The following ATP5PF variants were observed in gnomAD, a reference collection of about 807,000 sequenced individuals.
ATP5PF encodes the protein ATP synthase peripheral stalk subunit F6, mitochondrial.
In ATP5PF, 7 loss-of-function variants were observed where a neutral mutation model predicts 12.0. The ratio of observed to expected loss-of-function variants is 0.58; its 90% CI spans 0.33 to 1.10. The LOEUF is 1.10. ATP5PF is among the 50% of genes least tolerant of loss of function. The pLI is 0.03. For synonymous variants in ATP5PF, 41 were observed against 45.4 expected, an observed-to-expected ratio of 0.90 and a Z score of 0.39; for missense variants, 120 against 127.7, an observed-to-expected ratio of 0.94 and a Z score of 0.29.
intron 1 of ATP5PF, among the ~76,000 whole-genome samples, chr21:25,733,364 C>A (rs1038809532): frequency 1.9e-4 from 29 of 152,066 alleles, no homozygotes; most frequent in Admixed American, 1.6e-3. Context: ...CCGGTCTCTA[C>A]TGAAAAATAC....
At chr21:25,727,384 C>G (rs2034645753) in intron 2 of ATP5PF, among the ~76,000 whole-genome samples, 1 of 152,200 alleles carries the variant, frequency 6.6e-6, no homozygotes, top group Admixed American at 6.5e-5. Flanking sequence ...AAAGCAGTCA[C>G]TCAGAAGATA....
chr21:25,727,880 G>T (rs140443025), intron 2 of ATP5PF, among the ~76,000 whole-genome samples: 308 of 152,212 alleles, frequency 2.0e-3, no homozygotes, highest in Admixed American at 2.7e-3. Flanking sequence ...CATCTATAGG[G>T]TTGTTGTCAG....
intron 2 of ATP5PF, 24 bp from the exon 3 acceptor site, chr21:25,725,374 AAATT>A: frequency 1.3e-6 from 2 of 1,554,570 alleles, no homozygotes; most frequent in African/African-American, 2.8e-5. Context: ...GAGCAAACAA[AAATT>A]AATTTTGTGT....
chr21:25,734,372 A>G, intron 1 of ATP5PF: 1 of 987,956 alleles, frequency 1.0e-6, no homozygotes, highest in Non-Finnish European at 1.2e-6. Context: ...TTCAGTGCAT[A>G]TTCCTATGAA....
At chr21:25,734,206 C>T in intron 1 of ATP5PF, 1 of 517,682 alleles carries the variant, frequency 1.9e-6, no homozygotes, top group Non-Finnish European at 2.5e-6. Flanking sequence ...CATCGGGTGC[C>T]ACGAGAGCAT....
chr21:25,734,878 A>G lies in ATP5PF; in HGVS notation c.-33T>C. ...CTTGCACTCAGTCCCGAGCTGCCAA[A>G]GCCTCCGCCGCCACCACCTCCGCTC... On this transcript the variant is annotated 5_prime_UTR_variant, in exon 1 of 4. Transcript: ENST00000284971. 1 of 1,547,958 alleles carries G rather than the reference A, an allele frequency of 6.5e-7. No homozygotes were observed. The highest frequency in any genetic ancestry group is 8.7e-7 in the Non-Finnish European group (1 of 1,149,650).
intron 3 of ATP5PF, 105 bp from the exon 4 acceptor site, chr21:25,724,782 A>C (rs1258236934): frequency 1.7e-6 from 2 of 1,160,518 alleles, no homozygotes; most frequent in Non-Finnish European, 2.5e-6. Context: ...TTTTTTAGTA[A>C]ACACTGTTTG....
Position 25,726,119 on chromosome 21 carries a change from C to G in ATP5PF, c.165-769G>C, listed in dbSNP as rs547652145. Among the ~76,000 whole-genome samples, 123 of 152,326 alleles carry G rather than the reference C, an allele frequency of 8.1e-4. 1 individual carries two copies. Among genetic ancestry groups the G allele is most frequent in the African/African-American group, 2.8e-3 (118 of 41,568 alleles). ...CGAGGGTGTAAATGCACACGTACCT[C>G]TAAGCACAGTGCCTGGCACACAGTG... On this transcript the variant is annotated intron_variant, in intron 2 of 3. Coordinates refer to ENST00000284971, the MANE Select transcript of ATP5PF (RefSeq NM_001003703.2).
At chr21:25,725,563 C>A (rs2034597014) in intron 2 of ATP5PF, among the ~76,000 whole-genome samples, 1 of 152,076 alleles carries the variant, frequency 6.6e-6, no homozygotes, top group African/African-American at 2.4e-5. Flanking sequence ...TCTCAGCCTC[C>A]CAAGTAACTG....
chr21:25,729,340 AT>A (rs1246683411), intron 2 of ATP5PF, among the ~76,000 whole-genome samples: 2 of 152,178 alleles, frequency 1.3e-5, no homozygotes, highest in African/African-American at 4.8e-5. Context: ...GACCCTATGT[AT>A]TTCTATAAAT....
chr21:25,735,461 C>A, upstream of ATP5PF: 1 of 158,520 alleles, frequency 6.3e-6, no homozygotes, highest in African/African-American at 2.4e-5. Flanking sequence ...CCTCACACTT[C>A]TAGTCGCGGG....
intron 3 of ATP5PF, 61 bp from the exon 4 acceptor site, chr21:25,724,738 G>A: frequency 1.3e-6 from 2 of 1,514,500 alleles, no homozygotes; most frequent in South Asian, 1.2e-5. Context: ...GGATTATGTA[G>A]AATGCTCAAG....
At chr21:25,734,732 T>A in intron 1 of ATP5PF, 121 bp downstream of exon 1, 1 of 1,015,890 alleles carries the variant, frequency 9.8e-7, no homozygotes, top group Admixed American at 2.8e-5. Context: ...GCCGTGAAGG[T>A]CCCCAGGACA....
In ATP5PF at chr21:25,732,616, A is replaced by C. The variant is rs948985967; in HGVS notation, c.-8+2237T>G. On this transcript the variant is annotated intron_variant, in intron 1 of 3. Transcript: ENST00000284971. ...AGCTGTGATTGCACCACTGCATTCC[A>C]GCCTGTGTTACAGAGTGAAACCCTG... is the stretch of plus-strand genomic sequence containing the variant. Among the ~76,000 whole-genome samples, 36 of 151,152 alleles carry C rather than the reference A, an allele frequency of 2.4e-4. 1 individual carries two copies. Among genetic ancestry groups the C allele is most frequent in the Non-Finnish European group, 3.0e-5 (2 of 67,752 alleles).
At chr21:25,728,042 T>C (rs2034663257) in intron 2 of ATP5PF, among the ~76,000 whole-genome samples, 1 of 152,186 alleles carries the variant, frequency 6.6e-6, no homozygotes, top group African/African-American at 2.4e-5. Flanking sequence ...CTTCTTCCTC[T>C]CCAGCAGCTC....
intron 1 of ATP5PF, chr21:25,734,570 G>T (rs2034938967): frequency 2.3e-6 from 1 of 435,246 alleles, no homozygotes; most frequent in African/African-American, 2.0e-5. Context: ...ACCTTGGGTT[G>T]CCCCAGCCAG....
Sources: allele counts gnomAD v4.1 joint callset (sites outside exome capture counted in the v4.1 genomes callset), GRCh38; gene constraint gnomAD v4.1.1; transcripts MANE v1.5; gene names NCBI Gene and HGNC (gene_info 2026-07-23, HGNC 2026-07-21).